Variants in ERBB4 observed in about 807,000 individuals in gnomAD.
The protein encoded by ERBB4 is erb-b2 receptor tyrosine kinase 4.
Under a neutral mutation model 158.0 loss-of-function variants are expected in ERBB4, and 42 were observed. The observed-to-expected ratio is 0.27, with a 90% CI of 0.21 to 0.34. ERBB4 has a LOEUF of 0.34. ERBB4 is among the 10% of genes least tolerant of loss of function. The pLI is 1.00. For synonymous variants in ERBB4, 583 were observed against 558.7 expected (o/e 1.04, Z -0.61); for missense variants, 1,333 against 1,624.1 (o/e 0.82, Z 3.08).
intron 3 of ERBB4, among the ~76,000 whole-genome samples, chr2:211,873,850 T>G (rs1406330785): frequency 1.3e-5 from 2 of 151,126 alleles, no homozygotes; most frequent in African/African-American, 2.4e-5. Context: ...TGTAAAACAA[T>G]GTGTTCTTAA....
chr2:211,543,517 G>T (rs1559278938), intron 20 of ERBB4, among the ~76,000 whole-genome samples: 1 of 152,076 alleles, frequency 6.6e-6, no homozygotes, highest in Non-Finnish European at 1.5e-5. Flanking sequence ...AGAACAAATT[G>T]TTTTAATGTT....
At chr2:212,384,215 T>A (rs190934363) in intron 1 of ERBB4, among the ~76,000 whole-genome samples, 1 of 151,678 alleles carries the variant, frequency 6.6e-6, no homozygotes, top group East Asian at 1.9e-4. Context: ...TAGAAGTTTA[T>A]GAGAACAATT....
chr2:211,981,420 C>T (rs558563592), intron 2 of ERBB4, among the ~76,000 whole-genome samples: 1 of 152,312 alleles, frequency 6.6e-6, no homozygotes, highest in African/African-American at 2.4e-5. Context: ...AAAATCCAAA[C>T]CTACTTAAAA....
chr2:212,517,589 C>T (rs772273952), intron 1 of ERBB4, among the ~76,000 whole-genome samples: 23 of 152,014 alleles, frequency 1.5e-4, no homozygotes, highest in Non-Finnish European at 2.9e-4. Context: ...ATGAGAGTGA[C>T]TGCATTCCAA....
intron 1 of ERBB4, among the ~76,000 whole-genome samples, chr2:212,413,992 T>C (rs2091578639): frequency 6.6e-6 from 1 of 152,190 alleles, no homozygotes; most frequent in Admixed American, 6.5e-5. Flanking sequence ...AAAATGCTGG[T>C]TTACAACTTT....
At chr2:212,287,627 G>A (rs184848771) in intron 1 of ERBB4, among the ~76,000 whole-genome samples, 67 of 152,048 alleles carry the variant, frequency 4.4e-4, no homozygotes, top group Admixed American at 4.1e-3. Context: ...AGTAAGAGGC[G>A]TGCTCTTTGC....
intron 3 of ERBB4, among the ~76,000 whole-genome samples, chr2:211,848,849 A>G (rs2077653126): frequency 6.6e-6 from 1 of 152,112 alleles, no homozygotes; most frequent in African/African-American, 2.4e-5. Flanking sequence ...ACAGTAGTTT[A>G]TCAGCTGGTA....
intron 20 of ERBB4, among the ~76,000 whole-genome samples, chr2:211,489,146 G>GA (rs1226576380): frequency 3.9e-5 from 6 of 152,046 alleles, no homozygotes; most frequent in Non-Finnish European, 7.4e-5. Context: ...AGCTTTAGCT[G>GA]AAAACAGAAT....
At chr2:211,824,212 T>C (rs1575201289) in intron 3 of ERBB4, among the ~76,000 whole-genome samples, 1 of 152,182 alleles carries the variant, frequency 6.6e-6, no homozygotes, top group East Asian at 1.9e-4. Flanking sequence ...CTGCCTAGAT[T>C]CTCATTCCTT....
chr2:211,660,527 T>C (rs2071384425), intron 15 of ERBB4, among the ~76,000 whole-genome samples: 1 of 151,930 alleles, frequency 6.6e-6, no homozygotes, highest in Admixed American at 6.5e-5. Context: ...TGTTTCTTCC[T>C]GTATGTGTTA....
chr2:212,205,068 T>C (rs1054340513), intron 1 of ERBB4, among the ~76,000 whole-genome samples: 1 of 151,990 alleles, frequency 6.6e-6, no homozygotes, highest in African/African-American at 2.4e-5. Flanking sequence ...TCAACCCGCC[T>C]CGGCCTCCCA....
intron 1 of ERBB4, among the ~76,000 whole-genome samples, chr2:212,319,994 A>G (rs946744267): frequency 6.7e-6 from 1 of 150,298 alleles, no homozygotes; most frequent in East Asian, 2.0e-4. Context: ...CCCACTCCAG[A>G]TAAGTGGGTG....
intron 20 of ERBB4, among the ~76,000 whole-genome samples, chr2:211,483,504 A>ACAG: frequency 6.6e-6 from 1 of 152,206 alleles, no homozygotes; most frequent in South Asian, 2.1e-4. Flanking sequence ...CATAAGAGTG[A>ACAG]CAGCACATTT....
intron 1 of ERBB4, among the ~76,000 whole-genome samples, chr2:212,235,305 T>C (rs183891476): frequency 5.2e-4 from 79 of 152,346 alleles, no homozygotes; most frequent in African/African-American, 1.7e-3. Context: ...GCATTATTTC[T>C]GAGGCCTATG....
chr2:211,646,022 T>G (rs2070771385), intron 16 of ERBB4, among the ~76,000 whole-genome samples: 1 of 151,574 alleles, frequency 6.6e-6, no homozygotes, highest in Non-Finnish European at 1.5e-5. Flanking sequence ...AAACTGATAC[T>G]AGGGAATACT....
At chr2:211,442,497 T>A (rs905319008) in intron 20 of ERBB4, among the ~76,000 whole-genome samples, 2 of 152,254 alleles carry the variant, frequency 1.3e-5, no homozygotes, top group African/African-American at 4.8e-5. Context: ...AAATCAAAGT[T>A]TTTTTATGAT....
chr2:212,451,341 C>G (rs1392559174), intron 1 of ERBB4, among the ~76,000 whole-genome samples: 1 of 152,118 alleles, frequency 6.6e-6, no homozygotes, highest in Non-Finnish European at 1.5e-5. Context: ...TTGGAAAAAT[C>G]ATAAACTACT....
chr2:211,410,381 T>TAAAC (rs1185803092), intron 25 of ERBB4, among the ~76,000 whole-genome samples: 1 of 152,244 alleles, frequency 6.6e-6, no homozygotes. Flanking sequence ...TTCACATGTG[T>TAAAC]AAACATGCAT....
intron 20 of ERBB4, among the ~76,000 whole-genome samples, chr2:211,495,534 CTG>C (rs2065447923): frequency 6.6e-6 from 1 of 152,038 alleles, no homozygotes. Context: ...AATTCACCAT[CTG>C]TCTAAATAGC....
Sources: allele counts gnomAD v4.1 joint callset (sites outside exome capture counted in the v4.1 genomes callset), GRCh38; gene constraint gnomAD v4.1.1; transcripts MANE v1.5; gene names NCBI Gene and HGNC (gene_info 2026-07-23, HGNC 2026-07-21).